The following AVEN variants were observed in gnomAD, a reference collection of about 807,000 sequenced individuals.
The protein encoded by AVEN is apoptosis and caspase activation inhibitor.
A neutral mutation model predicts 38.1 loss-of-function variants in AVEN; 41 were observed. That is an observed-to-expected ratio of 1.08 (90% CI 0.84 to 1.40). The LOEUF (loss-of-function observed/expected upper bound fraction) is 1.40, where lower values mean the gene tolerates loss of function less well. AVEN is among the 40% of genes most tolerant of loss of function. AVEN has a pLI of 0.00. For synonymous variants in AVEN, 206 were observed against 171.8 expected (o/e 1.20, Z -1.56); for missense variants, 605 against 438.8 (o/e 1.38, Z -3.38).
intron 2 of AVEN, among the ~76,000 whole-genome samples, chr15:33,936,198 A>T (rs188197696): frequency 6.6e-6 from 1 of 152,156 alleles, no homozygotes; most frequent in Admixed American, 6.5e-5. Flanking sequence ...TGCAAAATCG[A>T]TAAGAAAAAG....
chr15:33,852,847 A>G, the AVEN span: 2 of 521,678 alleles, frequency 3.8e-6, no homozygotes, highest in East Asian at 6.8e-5. Flanking sequence ...TTCAAAAGCC[A>G]ATACAAAGTA....
upstream of AVEN, among the ~76,000 whole-genome samples, chr15:34,040,802 C>A (rs1250326451): frequency 6.6e-6 from 1 of 151,768 alleles, no homozygotes; most frequent in African/African-American, 2.4e-5. Flanking sequence ...CCTATAGTCC[C>A]ACTACTTGGG....
chr15:33,860,573 G>C (rs766399186), intron 11 of AVEN: 1 of 1,511,010 alleles, frequency 6.6e-7, no homozygotes, highest in Non-Finnish European at 9.0e-7. Flanking sequence ...AGATTGCTTT[G>C]TCTTTGTATT....
intron 2 of AVEN, among the ~76,000 whole-genome samples, chr15:33,916,519 T>C (rs1212704315): frequency 3.3e-5 from 5 of 151,964 alleles, no homozygotes; most frequent in Non-Finnish European, 5.9e-5. Context: ...CATCAAAAAG[T>C]GGGCTAAGGA....
chr15:34,064,277 A>G (rs1287646790), intron 4 of AVEN: 1 of 1,614,108 alleles, frequency 6.2e-7, no homozygotes, highest in African/African-American at 1.3e-5. Flanking sequence ...AAAAAGTGGA[A>G]GAGAAGTTGT....
At chr15:33,881,623 C>T (rs1306110284) in intron 2 of AVEN, among the ~76,000 whole-genome samples, 1 of 152,190 alleles carries the variant, frequency 6.6e-6, no homozygotes, top group African/African-American at 2.4e-5. Context: ...AACTAAAAGT[C>T]TTTCTAGAAA....
intron 5 of AVEN, among the ~76,000 whole-genome samples, chr15:34,057,175 C>T (rs1900188413): frequency 6.7e-6 from 1 of 149,894 alleles, no homozygotes; most frequent in South Asian, 2.1e-4. Context: ...TGCTGTGTCA[C>T]CAGGCTGGAG....
intron 1 of AVEN, among the ~76,000 whole-genome samples, chr15:34,072,281 A>G (rs1463638371): frequency 2.7e-5 from 4 of 149,068 alleles, no homozygotes; most frequent in Non-Finnish European, 5.9e-5. Context: ...AAAAAATAAT[A>G]ATAATACATA....
chr15:34,044,731 T>C (rs184052134), intron 5 of AVEN, among the ~76,000 whole-genome samples: 19 of 152,272 alleles, frequency 1.2e-4, no homozygotes, highest in African/African-American at 3.6e-4. Flanking sequence ...GTGAAGCAGT[T>C]TCACCTATTT....
At chr15:33,988,693 C>T (rs1399667183) in intron 2 of AVEN, among the ~76,000 whole-genome samples, 1 of 152,116 alleles carries the variant, frequency 6.6e-6, no homozygotes, top group Non-Finnish European at 1.5e-5. Context: ...ACTTAACACA[C>T]AAGTAAAACA....
intron 2 of AVEN, among the ~76,000 whole-genome samples, chr15:33,968,233 G>A (rs1028340992): frequency 5.4e-5 from 8 of 148,600 alleles, no homozygotes; most frequent in East Asian, 2.0e-4. Flanking sequence ...CCCAAAATAC[G>A]TCACTTAACT....
chr15:33,861,850 C>T (rs1366317272), downstream of AVEN, among the ~76,000 whole-genome samples: 2 of 152,134 alleles, frequency 1.3e-5, no homozygotes, highest in Non-Finnish European at 2.9e-5. Flanking sequence ...GTCTTGAACT[C>T]CTGACCTCAG....
intron 2 of AVEN, among the ~76,000 whole-genome samples, chr15:33,966,516 C>A (rs780578635): frequency 6.6e-6 from 1 of 152,042 alleles, no homozygotes; most frequent in Non-Finnish European, 1.5e-5. Flanking sequence ...ATTCTATTGC[C>A]CTCCATAAAA....
chr15:34,030,577 C>T lies in AVEN; in HGVS notation c.267+8203G>A, dbSNP rs181376080. ...TAGGCTGACCTTGTGATCCACCCGC[C>T]TCAGCCTCCCAAAATGCTGGGATTA... On this transcript the variant is annotated intron_variant, in intron 1 of 5. Transcript: ENST00000306730. 3.3e-3 allele frequency among the ~76,000 whole-genome samples: 499 copies of T among 152,106 alleles called. 2 individuals carry two copies. The highest frequency in any genetic ancestry group is 0.011 in the African/African-American group (477 of 41,490).
chr15:34,024,407 T>G (rs1379116845), intron 1 of AVEN, among the ~76,000 whole-genome samples: 1 of 148,790 alleles, frequency 6.7e-6, no homozygotes, highest in Non-Finnish European at 1.5e-5. Context: ...CCCAGCATTT[T>G]GGGAGGCCAA....
intron 5 of AVEN, among the ~76,000 whole-genome samples, chr15:34,048,147 A>G (rs902763868): frequency 6.6e-6 from 1 of 152,214 alleles, no homozygotes; most frequent in African/African-American, 2.4e-5. Context: ...AAGTGCTGGG[A>G]TTACAGGCGT....
chr15:33,855,283 C>T (rs1001080662), downstream of AVEN, among the ~76,000 whole-genome samples: 7 of 152,160 alleles, frequency 4.6e-5, no homozygotes, highest in South Asian at 4.2e-4. Flanking sequence ...CTGCAACCTC[C>T]GACTCCCAGG....
At chr15:33,866,936 G>GT (rs200821112) in intron 5 of AVEN, among the ~76,000 whole-genome samples, 5,000 of 150,264 alleles carry the variant, frequency 0.033, 155 homozygotes, top group Non-Finnish European at 0.039. Context: ...TTGCTAGTTG[G>GT]TTTTTTTTTC....
At chr15:33,973,499 G>A (rs1895729176) in intron 2 of AVEN, among the ~76,000 whole-genome samples, 1 of 152,064 alleles carries the variant, frequency 6.6e-6, no homozygotes, top group Non-Finnish European at 1.5e-5. Flanking sequence ...TCATGCCTAG[G>A]AACTTCCCCA....
Sources: gnomAD v4.1 joint callset for allele counts (sites outside exome capture counted in the v4.1 genomes callset) on GRCh38, gnomAD v4.1.1 for gene constraint, MANE v1.5 for transcripts, NCBI Gene and HGNC (gene_info 2026-07-23, HGNC 2026-07-21) for gene names.